The following FRMD4A variants were observed in gnomAD, a reference collection of about 807,000 sequenced individuals.
The protein encoded by FRMD4A is FERM domain containing 4A.
FRMD4A carries 29 observed loss-of-function variants against 129.1 expected under a neutral mutation model. The observed-to-expected ratio is 0.22, with a 90% confidence interval of 0.17 to 0.31. FRMD4A has a LOEUF of 0.31. Among genes scored for constraint, FRMD4A ranks in the 10% least tolerant of loss-of-function variants. The pLI, the probability that FRMD4A is intolerant of heterozygous loss-of-function variation, is 1.00. For missense variants in FRMD4A, 1,272 were observed against 1,375.8 expected, an observed-to-expected ratio of 0.92 and a Z score of 1.19; for synonymous variants, 634 against 571.6, an observed-to-expected ratio of 1.11 and a Z score of -1.56.
At chr10:14,183,337 G>C (rs1182974603) in intron 2 of FRMD4A, among the ~76,000 whole-genome samples, 1 of 152,162 alleles carries the variant, frequency 6.6e-6, no homozygotes, top group African/African-American at 2.4e-5. Flanking sequence ...ATTCCTTTAT[G>C]TTATAAAAGC....
chr10:13,973,084 A>T (rs912316760), intron 2 of FRMD4A, among the ~76,000 whole-genome samples: 1 of 152,172 alleles, frequency 6.6e-6, no homozygotes, highest in African/African-American at 2.4e-5. Context: ...CCTCTGACTT[A>T]TTTCTTGATC....
At chr10:13,855,978 A>T (rs2094206028) in intron 3 of FRMD4A, among the ~76,000 whole-genome samples, 1 of 151,298 alleles carries the variant, frequency 6.6e-6, no homozygotes, top group Non-Finnish European at 1.5e-5. Context: ...TATAAATATA[A>T]ATATATATAT....
intron 2 of FRMD4A, among the ~76,000 whole-genome samples, chr10:14,249,727 A>C (rs545199913): frequency 6.6e-6 from 1 of 152,370 alleles, no homozygotes; most frequent in African/African-American, 2.4e-5. Flanking sequence ...ACTTGGAAAC[A>C]AAGTAAACGT....
At chr10:14,316,873 CT>C (rs1280210643) in intron 2 of FRMD4A, among the ~76,000 whole-genome samples, 4 of 152,158 alleles carry the variant, frequency 2.6e-5, no homozygotes, top group African/African-American at 4.8e-5. Context: ...AAGAAGTGTC[CT>C]GTTTTAAAGC....
chr10:13,827,622 G>A (rs1458803708), intron 3 of FRMD4A, among the ~76,000 whole-genome samples: 1 of 152,186 alleles, frequency 6.6e-6, no homozygotes. Flanking sequence ...AGACTGATAA[G>A]CCAAGAGGTA....
At chr10:14,048,806 CAAAT>C (rs1423421021) in intron 2 of FRMD4A, among the ~76,000 whole-genome samples, 1 of 142,654 alleles carries the variant, frequency 7.0e-6, no homozygotes, top group East Asian at 2.1e-4. Flanking sequence ...ACTCTTGTCT[CAAAT>C]AAAATAGAAT....
intron 2 of FRMD4A, among the ~76,000 whole-genome samples, chr10:14,171,680 A>G (rs1484133357): frequency 6.6e-6 from 1 of 152,206 alleles, no homozygotes; most frequent in South Asian, 2.1e-4. Context: ...CATGATTTAG[A>G]CTGGTTAAGT....
chr10:14,121,229 A>T (rs6602706), intron 2 of FRMD4A, among the ~76,000 whole-genome samples: 3 of 151,946 alleles, frequency 2.0e-5, no homozygotes, highest in African/African-American at 7.3e-5. Flanking sequence ...TTAGCCGGGC[A>T]TGGTGGCGTG....
At chr10:13,866,847 A>C (rs754470246) in intron 2 of FRMD4A, among the ~76,000 whole-genome samples, 1 of 152,110 alleles carries the variant, frequency 6.6e-6, no homozygotes, top group Non-Finnish European at 1.5e-5. Context: ...ACTGGGGAGG[A>C]TGAGGCAGGA....
At chr10:13,960,852 C>CT (rs369865585) in intron 2 of FRMD4A, among the ~76,000 whole-genome samples, 6 of 151,936 alleles carry the variant, frequency 3.9e-5, no homozygotes, top group South Asian at 2.1e-4. Context: ...CTCTGCCCTC[C>CT]TTTTTTTTAA....
intron 5 of FRMD4A, among the ~76,000 whole-genome samples, 178 bp from the exon 6 acceptor site, chr10:13,783,184 GTT>G (rs1197517192): frequency 6.6e-6 from 1 of 152,226 alleles, no homozygotes; most frequent in African/African-American, 2.4e-5. Context: ...TGTTTTTGGA[GTT>G]TTGATAGTGG....
At chr10:14,256,147 T>A (rs1844607276) in intron 2 of FRMD4A, among the ~76,000 whole-genome samples, 1 of 152,038 alleles carries the variant, frequency 6.6e-6, no homozygotes, top group African/African-American at 2.4e-5. Context: ...CAGCAAAAAC[T>A]GATTTTTAAA....
At chr10:13,932,958 C>T (rs113704783) in intron 2 of FRMD4A, among the ~76,000 whole-genome samples, 8,677 of 152,100 alleles carry the variant, frequency 0.057, 426 homozygotes, top group Non-Finnish European at 0.073. Context: ...CTGAGGATTT[C>T]GAGACCATCC....
intron 2 of FRMD4A, among the ~76,000 whole-genome samples, chr10:13,947,524 G>A (rs1247764426): frequency 6.6e-6 from 1 of 151,986 alleles, no homozygotes; most frequent in East Asian, 1.9e-4. Flanking sequence ...CATACGGGAT[G>A]CCTAGGGGAG....
At chr10:14,177,271 C>T (rs1026127337) in intron 2 of FRMD4A, among the ~76,000 whole-genome samples, 1 of 152,020 alleles carries the variant, frequency 6.6e-6, no homozygotes. Context: ...GATCTTGGCT[C>T]ACTGCAATCT....
intron 2 of FRMD4A, among the ~76,000 whole-genome samples, chr10:14,015,600 A>G (rs2095696705): frequency 6.6e-6 from 1 of 151,264 alleles, no homozygotes; most frequent in African/African-American, 2.4e-5. Context: ...TAAGTGGTCA[A>G]CTCCTCGCTT....
intron 2 of FRMD4A, among the ~76,000 whole-genome samples, chr10:14,324,259 A>G (rs1324759035): frequency 6.6e-6 from 1 of 152,248 alleles, no homozygotes; most frequent in African/African-American, 2.4e-5. Flanking sequence ...CTAAATAGTA[A>G]CTAAAAATAT....
chr10:13,724,983 C>T (rs974719938), intron 12 of FRMD4A, among the ~76,000 whole-genome samples: 15 of 152,186 alleles, frequency 9.9e-5, no homozygotes, highest in African/African-American at 2.9e-4. Context: ...CAAAGACAGA[C>T]GTGGGGTTAC....
At chr10:13,730,366 A>C (rs2090237829) in intron 12 of FRMD4A, among the ~76,000 whole-genome samples, 1 of 152,196 alleles carries the variant, frequency 6.6e-6, no homozygotes, top group African/African-American at 2.4e-5. Flanking sequence ...CAGGGAAGAA[A>C]GAGGTAAAAC....
Sources: gnomAD v4.1 joint callset for allele counts (sites outside exome capture counted in the v4.1 genomes callset) on GRCh38, gnomAD v4.1.1 for gene constraint, MANE v1.5 for transcripts, NCBI Gene and HGNC (gene_info 2026-07-23, HGNC 2026-07-21) for gene names.